ERG: variants seen among roughly 807,000 people sequenced by gnomAD.
ERG encodes ETS transcription factor ERG.
In ERG, 9 loss-of-function variants were observed where a neutral mutation model predicts 55.3. That is an observed-to-expected ratio of 0.16 (90% CI 0.10 to 0.28). The LOEUF (loss-of-function observed/expected upper bound fraction) is 0.28, where lower values mean the gene tolerates loss of function less well. ERG is among the 10% of genes least tolerant of loss of function. The pLI is 1.00. For missense variants in ERG, 434 were observed against 631.6 expected (o/e 0.69, Z 3.35); for synonymous variants, 223 against 237.3 (o/e 0.94, Z 0.55).
At chr21:38,368,562 C>G in the ERG span, among the ~76,000 whole-genome samples, 9 of 152,176 alleles carry the variant, frequency 5.9e-5, no homozygotes, top group Non-Finnish European at 5.9e-5. Flanking sequence ...GGGATTACAA[C>G]TGAACATGAG....
At chr21:38,615,918 G>C (rs1359707296) in intron 1 of ERG, among the ~76,000 whole-genome samples, 2 of 152,012 alleles carry the variant, frequency 1.3e-5, no homozygotes, top group African/African-American at 4.8e-5. Flanking sequence ...CTCTGGTTCA[G>C]GCACTGTAGT....
chr21:38,391,869 G>A (rs1320484317), intron 7 of ERG, among the ~76,000 whole-genome samples, 154 bp from the exon 8 acceptor site: 1 of 151,682 alleles, frequency 6.6e-6, no homozygotes, highest in Non-Finnish European at 1.5e-5. Flanking sequence ...TTTCCTTTCT[G>A]ATGAAATCAA....
chr21:38,650,423 C>T (rs2060482009), intron 1 of ERG, among the ~76,000 whole-genome samples: 1 of 152,140 alleles, frequency 6.6e-6, no homozygotes, highest in African/African-American at 2.4e-5. Flanking sequence ...ACTGCCTGAA[C>T]TCATGAGTTC....
At chr21:38,576,802 G>A (rs766414188) in intron 1 of ERG, among the ~76,000 whole-genome samples, 15 of 151,978 alleles carry the variant, frequency 9.9e-5, no homozygotes, top group Non-Finnish European at 2.2e-4. Flanking sequence ...TCCCACCACC[G>A]ACACCTGCCG....
At position 38,381,982 on chromosome 21, in the gene ERG, C is replaced by T. The variant is rs770180818; in HGVS notation, c.*1421G>A. On this transcript the variant is annotated 3_prime_UTR_variant, in exon 10 of 10. Transcript: ENST00000288319. ...ACATTCAGCACATGTTTTCATTAAG[C>T]AACTTTAGTCACTAAAAAAAGTGCA... The T allele has an allele frequency of 3.8e-6, 4 of 1,061,464 alleles. No homozygotes were observed. Among genetic ancestry groups the T allele is most frequent in the Non-Finnish European group, 4.6e-6 (4 of 876,676 alleles). The allele number at this position is 1,061,464 out of a possible 1,614,324, so 65.8% of individuals were successfully genotyped here.
In ERG at chr21:38,533,699, A is replaced by T. The variant is rs2059688485; in HGVS notation, c.-41+41963T>A. On this transcript the variant is annotated intron_variant, in intron 2 of 8. Transcript: ENST00000398897. ...ATTTGAGTGTACATTGCAATACCTC[A>T]TTAAAACCAACACTTAGGCTACACA... 3.3e-5 allele frequency among the ~76,000 whole-genome samples: 5 copies of T among 152,292 alleles called. No individual in the cohort carries two copies. In the South Asian group the frequency reaches 1.0e-3, roughly 32 times the overall value.
rs151176446 is a variant in ERG, at chr21:38,400,799, C to T, written c.674-154G>A. On this transcript the variant is annotated intron_variant, in intron 5 of 9. Transcript: ENST00000288319. ...AGCTCCGGAGAAACAGACAGGTGCA[C>T]CTGTCAGATTCTCAAGATGGAAGTG... Among the ~76,000 whole-genome samples, 563 of 152,294 alleles carry T rather than the reference C, an allele frequency of 3.7e-3. 6 individuals are homozygous for T. Among genetic ancestry groups the T allele is most frequent in the African/African-American group, 0.013 (540 of 41,562 alleles).
intron 2 of ERG, among the ~76,000 whole-genome samples, chr21:38,567,815 T>C (rs1483525921): frequency 1.3e-5 from 2 of 152,158 alleles, no homozygotes; most frequent in Non-Finnish European, 2.9e-5. Flanking sequence ...CAAGGCAGAT[T>C]CGGGCGCTTT....
At chr21:38,472,098 C>T (rs527815546) in intron 1 of ERG, 1 of 152,130 alleles carries the variant, frequency 6.6e-6, no homozygotes, top group African/African-American at 2.4e-5. Flanking sequence ...AAAAGATACA[C>T]CAGAATGTAA....
At chr21:38,642,491 C>T (rs1319100356) in intron 1 of ERG, among the ~76,000 whole-genome samples, 3 of 142,648 alleles carry the variant, frequency 2.1e-5, no homozygotes, top group Non-Finnish European at 4.6e-5. Context: ...CACAGACCCA[C>T]TCAAACTCTC....
intron 1 of ERG, among the ~76,000 whole-genome samples, chr21:38,611,328 G>A (rs939527180): frequency 2.6e-5 from 4 of 152,052 alleles, no homozygotes; most frequent in Admixed American, 1.3e-4. Flanking sequence ...CATCACTCCC[G>A]CTGCTCACAA....
chr21:38,599,503 A>AAT (rs1247212377), intron 1 of ERG, among the ~76,000 whole-genome samples: 1 of 152,172 alleles, frequency 6.6e-6, no homozygotes, highest in African/African-American at 2.4e-5. Flanking sequence ...TAACCCCATT[A>AAT]ATAGCCCTTG....
chr21:38,584,757 A>G (rs2060051905), intron 1 of ERG: 1 of 152,174 alleles, frequency 6.6e-6, no homozygotes, highest in Admixed American at 6.5e-5. Context: ...ATCAAATAGG[A>G]AAGATACAAA....
intron 2 of ERG, among the ~76,000 whole-genome samples, chr21:38,562,491 C>T (rs571260684): frequency 6.6e-6 from 1 of 152,222 alleles, no homozygotes; most frequent in East Asian, 1.9e-4. Context: ...TCAAGGCCTG[C>T]CCTAGACCTA....
At chr21:38,561,721 A>G (rs2059893852) in intron 2 of ERG, among the ~76,000 whole-genome samples, 2 of 152,328 alleles carry the variant, frequency 1.3e-5, no homozygotes, top group South Asian at 4.1e-4. Flanking sequence ...AAATTTTATA[A>G]GACTAATTTG....
At chr21:38,603,647 T>C (rs895170083) in intron 1 of ERG, among the ~76,000 whole-genome samples, 3 of 151,988 alleles carry the variant, frequency 2.0e-5, no homozygotes, top group African/African-American at 7.3e-5. Context: ...AGCATTCCCC[T>C]TAAGTAAGTC....
intron 1 of ERG, among the ~76,000 whole-genome samples, chr21:38,622,765 A>C (rs111067074): frequency 0.037 from 5,600 of 149,428 alleles, 326 homozygotes; most frequent in African/African-American, 0.13. Flanking sequence ...TACCACACAC[A>C]CCACACACAC....
chr21:38,503,877 G>A (rs774544592), intron 2 of ERG, among the ~76,000 whole-genome samples: 6 of 152,060 alleles, frequency 3.9e-5, no homozygotes, highest in African/African-American at 9.7e-5. Flanking sequence ...GAACATACGC[G>A]GCATGAAGAC....
At chr21:38,397,238 C>G (rs1413841609) in intron 6 of ERG, among the ~76,000 whole-genome samples, 1 of 152,058 alleles carries the variant, frequency 6.6e-6, no homozygotes, top group Non-Finnish European at 1.5e-5. Flanking sequence ...ACTGACCTGA[C>G]AGGGAAGCAG....
Sources: gnomAD v4.1 joint callset for allele counts (sites outside exome capture counted in the v4.1 genomes callset) on GRCh38, gnomAD v4.1.1 for gene constraint, MANE v1.5 for transcripts, NCBI Gene and HGNC (gene_info 2026-07-23, HGNC 2026-07-21) for gene names.